The following TENM3 variants were observed in gnomAD, a reference collection of about 807,000 sequenced individuals.
TENM3 encodes the protein teneurin-3.
A neutral mutation model predicts 255.1 loss-of-function variants in TENM3; 63 were observed. The ratio of observed to expected loss-of-function variants is 0.25; its 90% CI spans 0.20 to 0.30. The LOEUF is 0.30. TENM3 is among the 10% of genes least tolerant of loss of function. TENM3 has a pLI of 1.00. For missense variants in TENM3, 2,929 were observed against 3,461.1 expected (o/e 0.85, Z 3.86); for synonymous variants, 1,306 against 1,322.3 (o/e 0.99, Z 0.27).
the TENM3 span, among the ~76,000 whole-genome samples, chr4:181,984,287 C>T: frequency 1.3e-5 from 2 of 152,092 alleles, no homozygotes; most frequent in East Asian, 1.9e-4. Flanking sequence ...TAAATGTATG[C>T]ACCAAAATTA....
At chr4:182,460,400 C>T (rs770416996) in intron 3 of TENM3, among the ~76,000 whole-genome samples, 7 of 151,926 alleles carry the variant, frequency 4.6e-5, no homozygotes, top group Non-Finnish European at 8.8e-5. Context: ...AATATATGTC[C>T]GTCACAAAAA....
intron 3 of TENM3, among the ~76,000 whole-genome samples, chr4:182,556,438 C>T (rs965282235): frequency 2.0e-5 from 3 of 152,136 alleles, no homozygotes; most frequent in African/African-American, 4.8e-5. Flanking sequence ...CTCAACTATG[C>T]GAACTATCCC....
the TENM3 span, among the ~76,000 whole-genome samples, chr4:181,708,055 T>C: frequency 1.3e-5 from 2 of 152,192 alleles, no homozygotes; most frequent in African/African-American, 4.8e-5. Context: ...ATGTTACCTA[T>C]GATTTTACTT....
intron 22 of TENM3, among the ~76,000 whole-genome samples, chr4:182,760,892 A>C (rs1405147813): frequency 6.6e-6 from 1 of 152,246 alleles, no homozygotes; most frequent in Non-Finnish European, 1.5e-5. Context: ...TGAACAGCGC[A>C]TGTGCTACGC....
chr4:182,456,592 A>G (rs1176422760), intron 3 of TENM3, among the ~76,000 whole-genome samples: 2 of 152,250 alleles, frequency 1.3e-5, no homozygotes, highest in Admixed American at 6.5e-5. Context: ...TGAAATGTAT[A>G]TACATTGATA....
chr4:182,345,910 G>A (rs1315420793), intron 2 of TENM3, among the ~76,000 whole-genome samples: 3 of 152,016 alleles, frequency 2.0e-5, no homozygotes, highest in African/African-American at 7.2e-5. Context: ...CACTTTATTT[G>A]CAAAGATTGG....
chr4:182,201,883 G>A (rs901017353), intron 1 of TENM3, among the ~76,000 whole-genome samples: 1 of 152,174 alleles, frequency 6.6e-6, no homozygotes, highest in African/African-American at 2.4e-5. Context: ...AAATGTTAAA[G>A]AGTCTTTTAG....
chr4:181,809,411 T>C, the TENM3 span, among the ~76,000 whole-genome samples: 3 of 152,196 alleles, frequency 2.0e-5, no homozygotes, highest in African/African-American at 4.8e-5. Flanking sequence ...TGCTTACATA[T>C]AATTATCACA....
At chr4:182,204,604 C>T (rs910692103) in intron 1 of TENM3, among the ~76,000 whole-genome samples, 7 of 152,154 alleles carry the variant, frequency 4.6e-5, no homozygotes, top group African/African-American at 1.7e-4. Context: ...CTGCTCAGTG[C>T]CTCAACGTAG....
chr4:182,017,049 C>T, the TENM3 span, among the ~76,000 whole-genome samples: 1 of 152,344 alleles, frequency 6.6e-6, no homozygotes, highest in Admixed American at 6.5e-5. Context: ...ATATTCCAAA[C>T]ATAGACAAGA....
At chr4:182,514,488 A>T (rs1439115626) in intron 3 of TENM3, among the ~76,000 whole-genome samples, 1 of 152,180 alleles carries the variant, frequency 6.6e-6, no homozygotes, top group Admixed American at 6.5e-5. Flanking sequence ...AGTTATGAAG[A>T]TGTGTCCTGA....
chr4:181,529,716 GC>G, the TENM3 span, among the ~76,000 whole-genome samples: 1 of 152,184 alleles, frequency 6.6e-6, no homozygotes, highest in African/African-American at 2.4e-5. Context: ...CCACTCATTG[GC>G]CACTTTAGCC....
rs115087518 is a variant in TENM3 at position 182,788,791 on chromosome 4, A to G, written c.5305-302A>G. 3.9e-3 allele frequency among the ~76,000 whole-genome samples: 600 copies of G among 152,308 alleles called. 3 individuals carry two copies. Among genetic ancestry groups the G allele is most frequent in the Non-Finnish European group, 6.1e-3 (416 of 68,022 alleles). On this transcript the variant is annotated intron_variant, in intron 24 of 27. Transcript: ENST00000511685. Reference sequence around the variant, plus strand: ...AGTCATATGAACAGGTGTCATGTTTATCACCTTTAGAGCTCCTGAACAAAC... The same window carrying G: ...AGTCATATGAACAGGTGTCATGTTTGTCACCTTTAGAGCTCCTGAACAAAC...
At chr4:182,047,641 G>C in the TENM3 span, among the ~76,000 whole-genome samples, 1 of 150,942 alleles carries the variant, frequency 6.6e-6, no homozygotes, top group Non-Finnish European at 1.5e-5. Flanking sequence ...ATCTATTCTA[G>C]GAGCACAGAG....
At chr4:182,069,343 A>G in the TENM3 span, among the ~76,000 whole-genome samples, 12 of 152,308 alleles carry the variant, frequency 7.9e-5, no homozygotes, top group South Asian at 2.3e-3. Flanking sequence ...GTATCATAAC[A>G]TCATGAAATA....
chr4:182,476,780 T>A (rs1472839652), intron 3 of TENM3, among the ~76,000 whole-genome samples: 1 of 152,200 alleles, frequency 6.6e-6, no homozygotes, highest in Non-Finnish European at 1.5e-5. Flanking sequence ...AAGAACTTAT[T>A]ATCGATGGGA....
At chr4:182,328,113 A>G (rs1763526399) in intron 2 of TENM3, among the ~76,000 whole-genome samples, 1 of 152,214 alleles carries the variant, frequency 6.6e-6, no homozygotes, top group African/African-American at 2.4e-5. Context: ...GAGTTAGTCA[A>G]TAATCAGTGT....
At chr4:182,526,271 C>T (rs28695511) in intron 3 of TENM3, among the ~76,000 whole-genome samples, 6,120 of 152,140 alleles carry the variant, frequency 0.04, 286 homozygotes, top group African/African-American at 0.11. Flanking sequence ...TGAGCCACCG[C>T]GCCCAGCTAC....
At chr4:182,473,553 G>A (rs1733363464) in intron 3 of TENM3, among the ~76,000 whole-genome samples, 2 of 152,110 alleles carry the variant, frequency 1.3e-5, no homozygotes, top group Admixed American at 1.3e-4. Flanking sequence ...GGTGCCTGTA[G>A]TCCCAGCTAC....
Sources: allele counts gnomAD v4.1 joint callset (sites outside exome capture counted in the v4.1 genomes callset), GRCh38; gene constraint gnomAD v4.1.1; transcripts MANE v1.5; gene names NCBI Gene and HGNC (gene_info 2026-07-23, HGNC 2026-07-21).